Variants in RIN2 observed in about 807,000 individuals in gnomAD.
The protein encoded by RIN2 is Ras and Rab interactor 2.
A neutral mutation model predicts 78.0 loss-of-function variants in RIN2; 36 were observed. The observed-to-expected ratio is 0.46, with a 90% CI of 0.35 to 0.61. RIN2 has a LOEUF of 0.61. RIN2 is among the 20% of genes least tolerant of loss of function. The pLI is 0.00. For synonymous variants in RIN2, 466 were observed against 466.8 expected (o/e 1.00, Z 0.02); for missense variants, 1,087 against 1,159.7 (o/e 0.94, Z 0.91).
intron 9 of RIN2, among the ~76,000 whole-genome samples, chr20:19,989,392 G>C (rs2042725811): frequency 6.6e-6 from 1 of 150,410 alleles, no homozygotes; most frequent in Non-Finnish European, 1.5e-5. Flanking sequence ...TCCTGCCTCA[G>C]CCTCCCCAGT....
intron 9 of RIN2, among the ~76,000 whole-genome samples, chr20:19,978,183 C>T (rs936074291): frequency 2.0e-5 from 3 of 152,114 alleles, no homozygotes; most frequent in African/African-American, 7.2e-5. Flanking sequence ...TAGTTCTATC[C>T]TCATTTCCTA....
chr20:19,885,361 T>C (rs7269046), intron 2 of RIN2, among the ~76,000 whole-genome samples: 2,388 of 152,266 alleles, frequency 0.016, 56 homozygotes, highest in African/African-American at 0.055. Context: ...TTAATACCAA[T>C]GTATTGCGTA....
At chr20:19,991,375 T>G (rs919626630) in intron 10 of RIN2, among the ~76,000 whole-genome samples, 2 of 152,244 alleles carry the variant, frequency 1.3e-5, no homozygotes, top group Non-Finnish European at 2.9e-5. Context: ...GATTATGCTC[T>G]TCTGAAGCAC....
chr20:19,960,721 A>C lies in RIN2; in HGVS notation c.373A>C (p.Thr125Pro). 6.2e-7 allele frequency: 1 copy of C among 1,600,760 alleles called. No individual in the cohort carries two copies. Residue 125 changes from threonine to proline, a missense_variant, in exon 6 of 13, where the codon ACC (threonine) becomes CCC (proline). Around this residue, in one of 8 missense-constraint regions of RIN2, gnomAD observed 706 missense variants for 667.5 expected, o/e 1.06. Transcript: ENST00000255006. ...CTAGATCTTCCTGGTTCATAAATCTACCAAGATGCAGAAGAAAGTCCTCTC... is the reference window on the plus strand; with the variant it reads ...CTAGATCTTCCTGGTTCATAAATCTCCCAAGATGCAGAAGAAAGTCCTCTC... ...PPGIFLVHKS[T>P]KMQKKVLSLR...
intron 2 of RIN2, among the ~76,000 whole-genome samples, chr20:19,847,313 C>A (rs2123145224): frequency 6.6e-6 from 1 of 152,332 alleles, no homozygotes; most frequent in Non-Finnish European, 1.5e-5. Flanking sequence ...GCTCATAAAA[C>A]TGTCAGTTTA....
At chr20:19,898,468 C>T (rs2038837426) in intron 3 of RIN2, among the ~76,000 whole-genome samples, 1 of 152,144 alleles carries the variant, frequency 6.6e-6, no homozygotes, top group African/African-American at 2.4e-5. Context: ...TGAACACCTG[C>T]CAAAGCTTTA....
intron 2 of RIN2, chr20:19,824,042 CCTG>C: frequency 1.4e-6 from 1 of 706,872 alleles, no homozygotes; most frequent in South Asian, 1.7e-5. Flanking sequence ...AGCTGCTCTG[CCTG>C]CTTCTATGGC....
At chr20:19,990,783 A>G (rs1198563639) in intron 10 of RIN2, among the ~76,000 whole-genome samples, 1 of 152,164 alleles carries the variant, frequency 6.6e-6, no homozygotes, top group Non-Finnish European at 1.5e-5. Context: ...TCATTACAAC[A>G]TTTTGGCCAA....
chr20:19,777,452 G>A (rs1181083485), intron 1 of RIN2, among the ~76,000 whole-genome samples: 1 of 152,244 alleles, frequency 6.6e-6, no homozygotes, highest in African/African-American at 2.4e-5. Flanking sequence ...CATGCCAGGA[G>A]ATTAAAATTC....
At chr20:19,940,725 A>C (rs1600877364) in intron 4 of RIN2, among the ~76,000 whole-genome samples, 1 of 152,166 alleles carries the variant, frequency 6.6e-6, no homozygotes, top group East Asian at 1.9e-4. Flanking sequence ...TCCCTCCCAC[A>C]TGATTCCACA....
intron 7 of RIN2, among the ~76,000 whole-genome samples, chr20:19,969,074 C>T (rs150299129): frequency 0.01 from 1,577 of 152,190 alleles, 22 homozygotes; most frequent in South Asian, 0.05. Flanking sequence ...CAGAGTACTA[C>T]GGTGTCAAAA....
chr20:19,979,980 G>A (rs754284428), intron 9 of RIN2, among the ~76,000 whole-genome samples: 35 of 137,142 alleles, frequency 2.6e-4, no homozygotes, highest in Middle Eastern at 5.1e-3. Flanking sequence ...GGAGGCGGAG[G>A]TTGCAATAAG....
chr20:19,960,720 T>C lies in RIN2; in HGVS notation c.372T>C (p.Ser124=). ...QPPGIFLVHK[S]TKMQKKVLSL... is the part of the protein sequence containing the mutation. ...ACTAGATCTTCCTGGTTCATAAATC[T>C]ACCAAGATGCAGAAGAAAGTCCTCT... The change falls in exon 6 of 13, where the codon TCT becomes TCC. Residue 124 remains serine (S), a synonymous_variant. Transcript: ENST00000255006. 6.2e-7 allele frequency: 1 copy of C among 1,600,486 alleles called. No homozygotes were observed. Among genetic ancestry groups the C allele is most frequent in the Non-Finnish European group, 8.5e-7 (1 of 1,173,312 alleles).
At chr20:19,759,336 G>T (rs1470010887) in intron 1 of RIN2, among the ~76,000 whole-genome samples, 2 of 152,090 alleles carry the variant, frequency 1.3e-5, no homozygotes, top group Non-Finnish European at 2.9e-5. Flanking sequence ...CGCTGTCATC[G>T]GTAAGGAAAC....
chr20:19,841,320 G>A (rs1189607986), intron 2 of RIN2, among the ~76,000 whole-genome samples: 1 of 151,912 alleles, frequency 6.6e-6, no homozygotes, highest in East Asian at 1.9e-4. Flanking sequence ...TGATTTTTTT[G>A]GCAGTGCTGG....
At chr20:19,872,917 G>A (rs1297008192) in intron 2 of RIN2, among the ~76,000 whole-genome samples, 1 of 151,784 alleles carries the variant, frequency 6.6e-6, no homozygotes. Context: ...ATGCATGTAA[G>A]GTACCTGCAC....
At chr20:19,851,122 A>G (rs1447753944) in intron 2 of RIN2, among the ~76,000 whole-genome samples, 1 of 152,088 alleles carries the variant, frequency 6.6e-6, no homozygotes, top group East Asian at 1.9e-4. Context: ...AGAAAGAAAA[A>G]GGGCGAATTT....
intron 2 of RIN2, among the ~76,000 whole-genome samples, chr20:19,853,027 T>TC (rs1390309265): frequency 1.1e-4 from 13 of 117,996 alleles, no homozygotes; most frequent in East Asian, 9.0e-4. Flanking sequence ...ATGCTATGCC[T>TC]CCCCCTCCCC....
intron 12 of RIN2, among the ~76,000 whole-genome samples, chr20:19,997,282 T>TCAG (rs899876524): frequency 2.6e-5 from 4 of 152,128 alleles, no homozygotes; most frequent in African/African-American, 7.2e-5. Flanking sequence ...CCCCAGAATC[T>TCAG]CAGCAGCAGC....
Sources: allele counts gnomAD v4.1 joint callset (sites outside exome capture counted in the v4.1 genomes callset), GRCh38; gene constraint gnomAD v4.1.1; regional missense constraint gnomAD v4.1.1; transcripts MANE v1.5; gene names NCBI Gene and HGNC (gene_info 2026-07-23, HGNC 2026-07-21).